Variants in PLCH1 observed in about 807,000 individuals in gnomAD.
The protein encoded by PLCH1 is phospholipase C eta 1, also known as 1-phosphatidylinositol 4,5-bisphosphate phosphodiesterase eta-1.
Under a neutral mutation model 126.7 loss-of-function variants are expected in PLCH1, and 60 were observed. The ratio of observed to expected loss-of-function variants is 0.47; its 90% confidence interval spans 0.38 to 0.59. The LOEUF (loss-of-function observed/expected upper bound fraction) is 0.59. PLCH1 is among the 20% of genes least tolerant of loss of function. The pLI is 0.00. For missense variants in PLCH1, 1,723 were observed against 2,040.0 expected (o/e 0.84, Z 2.99); for synonymous variants, 719 against 734.9 (o/e 0.98, Z 0.35).
intron 12 of PLCH1, among the ~76,000 whole-genome samples, chr3:155,511,272 GT>G (rs1373566698): frequency 1.5e-5 from 2 of 130,274 alleles, no homozygotes; most frequent in East Asian, 4.2e-4. Flanking sequence ...TTTTTTCAAA[GT>G]TTTCAACTTC....
chr3:155,682,514 T>A (rs899253626), intron 2 of PLCH1, among the ~76,000 whole-genome samples: 2 of 152,222 alleles, frequency 1.3e-5, no homozygotes, highest in African/African-American at 4.8e-5. Context: ...TCCTATGTGA[T>A]GCTTTATAAA....
At position 155,675,398 on chromosome 3, in the gene PLCH1, T is replaced by C. The variant is rs1203055687; in HGVS notation, c.79+28748A>G. On this transcript the variant is annotated intron_variant, in intron 2 of 22. Transcript: ENST00000460012. Reference sequence around the variant, plus strand: ...ATTTCTAATCTCCTAACTCATACTTTAAGATGTTTTTCTCATGCTCCTGGA... The same window carrying C: ...ATTTCTAATCTCCTAACTCATACTTCAAGATGTTTTTCTCATGCTCCTGGA... Among the ~76,000 whole-genome samples, 4 of 152,350 alleles carry C rather than the reference T, an allele frequency of 2.6e-5. No homozygotes were observed. The South Asian group carries it at 6.2e-4, about 24-fold the overall frequency.
At chr3:155,494,604 T>C in intron 15 of PLCH1, 87 bp from the exon 16 acceptor site, 1 of 1,073,154 alleles carries the variant, frequency 9.3e-7, no homozygotes. Context: ...AATGTCAGAT[T>C]ATACCAATAG....
At chr3:155,738,369 T>G (rs917147945) in intron 1 of PLCH1, among the ~76,000 whole-genome samples, 5 of 151,990 alleles carry the variant, frequency 3.3e-5, no homozygotes, top group Non-Finnish European at 7.4e-5. Flanking sequence ...CTGCCGGGAG[T>G]AGTGGCTCGT....
chr3:155,736,203 C>A (rs1749166534), intron 1 of PLCH1, among the ~76,000 whole-genome samples: 1 of 152,052 alleles, frequency 6.6e-6, no homozygotes, highest in African/African-American at 2.4e-5. Context: ...TCTCTTTTGA[C>A]AAAAGAAAAA....
intron 1 of PLCH1, among the ~76,000 whole-genome samples, chr3:155,734,366 G>T (rs1041366780): frequency 2.6e-5 from 4 of 152,112 alleles, no homozygotes; most frequent in Admixed American, 6.5e-5. Flanking sequence ...AGACTGAGGT[G>T]GGAGGATTGC....
chr3:155,625,609 A>G (rs60783749), intron 2 of PLCH1, among the ~76,000 whole-genome samples: 4,139 of 152,334 alleles, frequency 0.027, 190 homozygotes, highest in African/African-American at 0.095. Context: ...TTATGCAGCC[A>G]AAAAGCATGA....
chr3:155,688,189 A>G (rs1180794741), intron 2 of PLCH1, among the ~76,000 whole-genome samples: 1 of 152,238 alleles, frequency 6.6e-6, no homozygotes, highest in Non-Finnish European at 1.5e-5. Context: ...TAGCAGCTCC[A>G]AAGTGAATAC....
intron 2 of PLCH1, among the ~76,000 whole-genome samples, chr3:155,670,483 A>G (rs184967799): frequency 1.1e-3 from 161 of 152,302 alleles, no homozygotes; most frequent in Non-Finnish European, 1.6e-3. Context: ...AAACAGATCG[A>G]TAGAAATAAT....
intron 21 of PLCH1, among the ~76,000 whole-genome samples, chr3:155,471,373 C>G (rs1218929890): frequency 2.6e-5 from 4 of 151,892 alleles, no homozygotes; most frequent in Non-Finnish European, 5.9e-5. Flanking sequence ...ACAAGAAGAG[C>G]TAACTATCCT....
At chr3:155,614,893 G>A (rs1454667329) in intron 2 of PLCH1, among the ~76,000 whole-genome samples, 1 of 151,904 alleles carries the variant, frequency 6.6e-6, no homozygotes, top group African/African-American at 2.4e-5. Context: ...TCATGACCAG[G>A]AACCCAAAAG....
intron 2 of PLCH1, among the ~76,000 whole-genome samples, chr3:155,662,334 G>A (rs1019050727): frequency 6.6e-6 from 1 of 152,016 alleles, no homozygotes; most frequent in East Asian, 1.9e-4. Flanking sequence ...TAGTCATAGT[G>A]GTGCACACCT....
chr3:155,675,852 C>T lies in PLCH1; in HGVS notation c.79+28294G>A. On this transcript the variant is annotated intron_variant, in intron 2 of 22. Transcript: ENST00000460012. ...CTGCCTAAACAAAAATACTTTGTTA[C>T]CTCATTTCATACTGAAATATAATAA... 3 of 498,646 alleles carry T rather than the reference C, an allele frequency of 6.0e-6. No homozygotes were observed. The Admixed American group carries it at 1.2e-4, about 20-fold the overall frequency. 30.9% of individuals were successfully genotyped at this position (498,646 alleles called of 1,614,324 possible). A position where few individuals can be genotyped will look rare whatever the true frequency, so the allele number is the denominator to read the frequency against.
intron 21 of PLCH1, among the ~76,000 whole-genome samples, chr3:155,467,099 A>T (rs1344772359): frequency 6.6e-6 from 1 of 152,130 alleles, no homozygotes; most frequent in East Asian, 1.9e-4. Flanking sequence ...TAAAAACAGA[A>T]CTTCCTAAAC....
At chr3:155,629,117 C>T (rs549970648) in intron 2 of PLCH1, among the ~76,000 whole-genome samples, 1 of 152,318 alleles carries the variant, frequency 6.6e-6, no homozygotes, top group South Asian at 2.1e-4. Flanking sequence ...AATGAAATAA[C>T]ATGTAAAGAG....
Position 155,500,685 on chromosome 3 carries a change from A to G in PLCH1, c.1796+18T>C, listed in dbSNP as rs1008751537. ...GGCCTCAGGAGTGTGAGTAGGAAAC[A>G]TGGAGATGCTTTCTTACCTGTACAG... On this transcript the variant is annotated intron_variant, in intron 14 of 22. Transcript: ENST00000460012. The G allele has an allele frequency of 5.9e-6, 9 of 1,518,742 alleles. No homozygotes were observed. The highest frequency in any genetic ancestry group is 5.5e-5 in the African/African-American group (4 of 72,946). 94.1% of individuals were successfully genotyped at this position (1,518,742 alleles called of 1,614,324 possible).
intron 2 of PLCH1, among the ~76,000 whole-genome samples, chr3:155,701,734 A>G (rs1316674444): frequency 1.3e-5 from 2 of 152,194 alleles, no homozygotes; most frequent in African/African-American, 4.8e-5. Flanking sequence ...CTCTACAAAG[A>G]CATTACCACT....
chr3:155,486,204 C>T (rs946445950), intron 21 of PLCH1: 6 of 1,541,552 alleles, frequency 3.9e-6, no homozygotes, highest in Non-Finnish European at 5.3e-6. Flanking sequence ...TTAAAGGGCT[C>T]CACTGTAAAG....
chr3:155,493,987 C>T (rs1412265197), intron 17 of PLCH1, among the ~76,000 whole-genome samples, 154 bp downstream of exon 17: 1 of 152,026 alleles, frequency 6.6e-6, no homozygotes, highest in Non-Finnish European at 1.5e-5. Flanking sequence ...TTCTAATTCA[C>T]ATTCAAACAC....
Sources: gnomAD v4.1 joint callset for allele counts (sites outside exome capture counted in the v4.1 genomes callset) on GRCh38, gnomAD v4.1.1 for gene constraint, MANE v1.5 for transcripts, NCBI Gene and HGNC (gene_info 2026-07-23, HGNC 2026-07-21) for gene names.